KIAA1755: variants seen among roughly 807,000 people sequenced by gnomAD.
KIAA1755 encodes the protein uncharacterized protein KIAA1755.
In KIAA1755, 68 loss-of-function variants were observed where a neutral mutation model predicts 91.7. The ratio of observed to expected loss-of-function variants is 0.74; its 90% confidence interval spans 0.61 to 0.91. The LOEUF is 0.91. Among genes scored for constraint, KIAA1755 ranks in the 40% least tolerant of loss-of-function variants. KIAA1755 has a pLI of 0.00. For missense variants in KIAA1755, 1,535 were observed against 1,494.4 expected, an observed-to-expected ratio of 1.03 and a Z score of -0.45; for synonymous variants, 610 against 604.6, an observed-to-expected ratio of 1.01 and a Z score of -0.13.
At chr20:38,229,570 C>T (rs1379976351) in intron 5 of KIAA1755, among the ~76,000 whole-genome samples, 1 of 152,128 alleles carries the variant, frequency 6.6e-6, no homozygotes, top group African/African-American at 2.4e-5. Context: ...TGCCTCTGTC[C>T]CTAGCACCAT....
At chr20:38,240,229 C>G (rs1021643437) in intron 3 of KIAA1755, among the ~76,000 whole-genome samples, 1 of 152,186 alleles carries the variant, frequency 6.6e-6, no homozygotes, top group Non-Finnish European at 1.5e-5. Context: ...GCCTCTACAC[C>G]TAGCTTCTGG....
chr20:38,260,420 G>A lies in KIAA1755; in HGVS notation c.3+78C>T. The A allele has an allele frequency of 6.3e-6, 10 of 1,585,314 alleles. 1 individual carries two copies. Among genetic ancestry groups the A allele is most frequent in the Non-Finnish European group, 8.6e-6 (10 of 1,166,810 alleles). On this transcript the variant is annotated intron_variant, in intron 1 of 13. Transcript: ENST00000279024. The stretch of plus-strand genomic sequence containing the variant: ...GTGTAAAAGGCCAGGGCCACCCGGG[G>A]CTGTTCTGCAGGGAATGGGGAGGGC...
At chr20:38,248,326 G>A (rs1351703788) in intron 1 of KIAA1755, among the ~76,000 whole-genome samples, 1 of 152,226 alleles carries the variant, frequency 6.6e-6, no homozygotes, top group Admixed American at 6.5e-5. Context: ...GCCAAGGAAT[G>A]CGGGCGTCTC....
In KIAA1755 at chr20:38,260,521, G is replaced by A. The variant is rs746521837; in HGVS notation, c.-21C>T. On this transcript the variant is annotated 5_prime_UTR_variant, in exon 1 of 14. Transcript: ENST00000279024. ...ACCATGGTGACGGGCTGCCAGCGGC[G>A]GGCGGCGCGGCTCCTCTCCTGGGCG... The A allele has an allele frequency of 1.4e-6, 2 of 1,481,342 alleles. No individual in the cohort carries two copies. The highest frequency in any genetic ancestry group is 1.4e-5 in the South Asian group (1 of 69,858). The allele number at this position is 1,481,342 out of a possible 1,614,324, so 91.8% of individuals were successfully genotyped here.
chr20:38,219,519 G>A (rs2075616455), intron 11 of KIAA1755, 111 bp downstream of exon 11: 3 of 1,427,160 alleles, frequency 2.1e-6, no homozygotes, highest in Non-Finnish European at 2.9e-6. Flanking sequence ...CCAGCTTGGT[G>A]TCCTTTCTCC....
chr20:38,226,891 G>T (rs2075766023), intron 7 of KIAA1755, among the ~76,000 whole-genome samples: 2 of 152,200 alleles, frequency 1.3e-5, no homozygotes, highest in African/African-American at 4.8e-5. Flanking sequence ...TATGCCATGT[G>T]CAATTCTCGA....
chr20:38,219,702 G>A lies in KIAA1755; in HGVS notation c.2484C>T (p.Thr828=), dbSNP rs532394114. The A allele has an allele frequency of 1.8e-5, 29 of 1,614,000 alleles. No homozygotes were observed. The highest frequency in any genetic ancestry group is 2.7e-5 in the African/African-American group (2 of 74,934). Residue 828 remains threonine, a synonymous_variant, in exon 11 of 14, where the codon ACC becomes ACT. Coordinates refer to ENST00000279024, the MANE Select transcript of KIAA1755 (RefSeq NM_001029864.2). The part of the protein sequence containing the change: ...LVDEQLHVLV[T]ASNSLLGKLE... ...GCTTCCCCAGGAGGCTGTTGGAAGC[G>A]GTGACCAGAACATGAAGCTGCTCGT...
Position 38,211,738 on chromosome 20 carries a change from A to T in KIAA1755, c.*1304T>A, listed in dbSNP as rs1955303109. The T allele has an allele frequency of 6.6e-6, 1 of 152,236 alleles. No homozygotes were observed. The highest frequency in any genetic ancestry group is 6.5e-5 in the Admixed American group (1 of 15,280). 9.4% of individuals were successfully genotyped at this position (152,236 alleles called of 1,614,324 possible). On this transcript the variant is annotated 3_prime_UTR_variant, in exon 14 of 14. Transcript: ENST00000279024. ...GGACAAGGTTCCACAGGGTTCCTTG[A>T]ACTTGAGAATGAAGGTCCCATGCCT... is the stretch of plus-strand genomic sequence containing the variant.
At chr20:38,216,808 G>A (rs754944652) in intron 13 of KIAA1755, 5 of 466,140 alleles carry the variant, frequency 1.1e-5, no homozygotes, top group African/African-American at 2.0e-5. Context: ...GTCTGGCATG[G>A]TGTACACACT....
chr20:38,240,873 C>T lies in KIAA1755; in HGVS notation c.1258G>A (p.Ala420Thr). ...GCTGGGGACAGGCGGGGAGAGGAGG[C>T]TTGTCTTGGTCCAGGCCTGAGCTGC... ...MVQLRPGPRQ[A>T]SSPRLSPASP... is the part of the protein sequence containing the mutation. The change falls in exon 3 of 14, where the codon GCC becomes ACC. Residue 420 changes from alanine (A) to threonine (T), a missense_variant. Physicochemically the swap from Ala to Thr is moderately conservative, Grantham distance 58. Coordinates refer to ENST00000279024, the MANE Select transcript of KIAA1755 (RefSeq NM_001029864.2). The T allele has an allele frequency of 6.2e-7, 1 of 1,614,018 alleles. No homozygotes were observed. Among genetic ancestry groups the T allele is most frequent in the Non-Finnish European group, 8.5e-7 (1 of 1,179,996 alleles).
chr20:38,259,681 A>C (rs1205426), intron 1 of KIAA1755, among the ~76,000 whole-genome samples: 151,568 of 151,568 alleles, frequency 1, 75,784 homozygotes, highest in Non-Finnish European at 1. Context: ...AGCTTTTTTC[A>C]AAATCCTTAC....
chr20:38,250,512 C>CTGTGTGTGTG lies in KIAA1755; in HGVS notation c.4-4396_4-4387dup, dbSNP rs3080901. On this transcript the variant is annotated intron_variant, in intron 1 of 13. Transcript: ENST00000279024. ...GGTGTGTGTGTGTGTGTGTGTGTGT[C>CTGTGTGTGTG]TGTGTGTGTGTGTGTGTGTGTGTGG... Among the ~76,000 whole-genome samples, 780 of 138,898 alleles carry CTGTGTGTGTG rather than the reference C, an allele frequency of 5.6e-3. 7 individuals are homozygous for CTGTGTGTGTG. Among genetic ancestry groups the CTGTGTGTGTG allele is most frequent in the East Asian group, 0.036 (175 of 4,848 alleles). 91.1% of individuals were successfully genotyped at this position (138,898 alleles called of 152,430 possible). A position where few individuals can be genotyped will look rare whatever the true frequency, so the allele number is the denominator to read the frequency against.
chr20:38,244,329 A>G (rs2076117434), intron 2 of KIAA1755, among the ~76,000 whole-genome samples: 1 of 152,216 alleles, frequency 6.6e-6, no homozygotes. Context: ...GTTCCCATGT[A>G]TTGAGCTATG....
chr20:38,213,409 C>A lies in KIAA1755; in HGVS notation c.3236G>T (p.Gly1079Val), dbSNP rs528479427. Residue 1079 changes from glycine (G) to valine (V), a missense_variant, in exon 14 of 14, where the codon GGT becomes GTT. Gly to Val is a moderately radical substitution (Grantham distance 109, BLOSUM62 -3). Coordinates refer to ENST00000279024, the MANE Select transcript of KIAA1755 (RefSeq NM_001029864.2). The stretch of plus-strand genomic sequence containing the variant: ...CTTGGAAGTGACCTCTACACTCACA[C>A]CCTGGCCCTTGGCTGCCACCCCTCT... ...ERRGVAAKGQ[G>V]VSVEVTSKGR... The A allele has an allele frequency of 1.2e-6, 2 of 1,600,448 alleles. No homozygotes were observed. The highest frequency in any genetic ancestry group is 2.2e-5 in the South Asian group (2 of 89,074).
chr20:38,213,166 C>T lies in KIAA1755; in HGVS notation c.3479G>A (p.Arg1160Gln), dbSNP rs765394645. Residue 1160 changes from arginine (R) to glutamine (Q), a missense_variant, in exon 14 of 14, where the codon CGG becomes CAG. Arg to Gln is a conservative substitution (Grantham distance 43). Coordinates refer to ENST00000279024, the MANE Select transcript of KIAA1755 (RefSeq NM_001029864.2). ...CTGGCTCTGCCTGGGGGGCTGCTGC[C>T]GGAAGAAGGTGGTGGCAAGCAAATG... The part of the protein sequence containing the change: ...REHLLATTFF[R>Q]QQPPRQSQVP... 12 of 1,613,636 alleles carry T rather than the reference C, an allele frequency of 7.4e-6. No individual in the cohort carries two copies. Among genetic ancestry groups the T allele is most frequent in the South Asian group, 3.3e-5 (3 of 91,058 alleles).
At chr20:38,218,482 C>G in intron 11 of KIAA1755, 116 bp from the exon 12 acceptor site, 1 of 1,360,876 alleles carries the variant, frequency 7.3e-7, no homozygotes, top group Non-Finnish European at 9.9e-7. Flanking sequence ...AGTGGCTAGG[C>G]CTGTGACCAC....
chr20:38,224,735 G>A (rs1568740744), intron 8 of KIAA1755, among the ~76,000 whole-genome samples: 1 of 152,182 alleles, frequency 6.6e-6, no homozygotes, highest in Non-Finnish European at 1.5e-5. Context: ...GAGGACCCGG[G>A]GCGGGCATTG....
intron 1 of KIAA1755, 65 bp downstream of exon 1, chr20:38,260,433 G>A: frequency 6.4e-7 from 1 of 1,565,566 alleles, no homozygotes; most frequent in Non-Finnish European, 8.6e-7. Context: ...GTTCTGCAGG[G>A]AATGGGGAGG....
chr20:38,245,791 A>G (rs2076147695), intron 2 of KIAA1755, 138 bp downstream of exon 2: 2 of 720,840 alleles, frequency 2.8e-6, no homozygotes, highest in Non-Finnish European at 2.3e-6. Flanking sequence ...GCAAGCAATG[A>G]TACTTGGAAA....
Sources: allele counts gnomAD v4.1 joint callset (sites outside exome capture counted in the v4.1 genomes callset), GRCh38; gene constraint gnomAD v4.1.1; transcripts MANE v1.5; gene names NCBI Gene and HGNC (gene_info 2026-07-23, HGNC 2026-07-21).